Variants in IMPA1 observed in about 807,000 individuals in gnomAD.
IMPA1 encodes inositol monophosphatase 1, also known as D-galactose 1-phosphate phosphatase.
A neutral mutation model predicts 34.9 loss-of-function variants in IMPA1; 21 were observed. The ratio of observed to expected loss-of-function variants is 0.60; its 90% CI spans 0.43 to 0.87. The LOEUF (loss-of-function observed/expected upper bound fraction) is 0.87. IMPA1 is among the 40% of genes least tolerant of loss of function. The probability of loss-of-function intolerance (pLI) is 0.00; values close to 1 mark genes in which losing one functional copy is unlikely to be tolerated. For missense variants in IMPA1, 299 were observed against 336.4 expected, an observed-to-expected ratio of 0.89 and a Z score of 0.87; for synonymous variants, 95 against 104.4, an observed-to-expected ratio of 0.91 and a Z score of 0.55.
intron 7 of IMPA1, among the ~76,000 whole-genome samples, chr8:81,667,080 A>G (rs1452301979): frequency 6.6e-6 from 1 of 152,100 alleles, no homozygotes; most frequent in Non-Finnish European, 1.5e-5. Flanking sequence ...CACTAATAAT[A>G]AAAGACTGAT....
chr8:81,673,017 C>T (rs1303790024), intron 6 of IMPA1, among the ~76,000 whole-genome samples: 1 of 152,212 alleles, frequency 6.6e-6, no homozygotes, highest in African/African-American at 2.4e-5. Context: ...GTCAGGCAAA[C>T]CTGCCTCCCA....
rs529191104 is a variant in IMPA1, at chr8:81,684,902, TA to T, written c.-25+1349del. Among the ~76,000 whole-genome samples the T allele has an allele frequency of 5.6e-3, 739 of 133,058 alleles. 29 individuals carry two copies. The highest frequency in any genetic ancestry group is 0.02 in the African/African-American group (696 of 35,284). The allele number at this position is 133,058 out of a possible 152,430, so 87.3% of individuals were successfully genotyped here. ...CTATGTATAGTATATATACTATACATAAGTATATTTAGATACTATGTATAGT... is the reference window on the plus strand; with the variant it reads ...CTATGTATAGTATATATACTATACATAGTATATTTAGATACTATGTATAGT... On this transcript the variant is annotated intron_variant, in intron 1 of 8. Coordinates refer to ENST00000256108, the MANE Select transcript of IMPA1 (RefSeq NM_005536.4).
At chr8:81,663,822 G>A (rs140861152) in intron 7 of IMPA1, among the ~76,000 whole-genome samples, 4,493 of 152,208 alleles carry the variant, frequency 0.03, 95 homozygotes, top group East Asian at 0.086. Context: ...GGTGAATCAC[G>A]AGGTCAAGAG....
chr8:81,669,614 C>T (rs1336660513), intron 7 of IMPA1, among the ~76,000 whole-genome samples: 2 of 152,176 alleles, frequency 1.3e-5, no homozygotes, highest in Non-Finnish European at 2.9e-5. Context: ...AAGCAGATAG[C>T]TTGTTTTGAT....
At chr8:81,660,494 G>T in intron 8 of IMPA1, 22 bp downstream of exon 8, 1 of 1,603,734 alleles carries the variant, frequency 6.2e-7, no homozygotes, top group Non-Finnish European at 8.5e-7. Context: ...GTGGAGATCT[G>T]CTTCACTCTC....
Position 81,676,230 on chromosome 8 carries a change from A to C in IMPA1, c.348+4T>G. On this transcript the variant is annotated splice_donor_region_variant and intron_variant, in intron 5 of 8. Coordinates refer to ENST00000256108, the MANE Select transcript of IMPA1 (RefSeq NM_005536.4). Reference sequence around the variant, plus strand: ...TAATCAACTATACGTTTAAAAAATCATACCTTTTTATTTACAGCAAAGCCA... The same window carrying C: ...TAATCAACTATACGTTTAAAAAATCCTACCTTTTTATTTACAGCAAAGCCA... The C allele has an allele frequency of 7.6e-7, 1 of 1,321,192 alleles. No homozygotes were observed. The highest frequency in any genetic ancestry group is 2.5e-5 in the Admixed American group (1 of 40,592). 81.8% of individuals were successfully genotyped at this position (1,321,192 alleles called of 1,614,324 possible).
At chr8:81,666,042 G>A (rs1481742828) in intron 7 of IMPA1, among the ~76,000 whole-genome samples, 1 of 152,128 alleles carries the variant, frequency 6.6e-6, no homozygotes, top group East Asian at 1.9e-4. Context: ...TGAAGAACTA[G>A]GATCAAAAAG....
At chr8:81,677,283 C>A (rs541775045) in intron 4 of IMPA1, among the ~76,000 whole-genome samples, 1 of 152,184 alleles carries the variant, frequency 6.6e-6, no homozygotes, top group South Asian at 2.1e-4. Flanking sequence ...TACGTAGAGA[C>A]GGGGTTTCTC....
Position 81,658,786 on chromosome 8 carries a change from C to T in IMPA1, c.*565G>A, listed in dbSNP as rs997065533. 1 of 152,536 alleles carries T rather than the reference C, an allele frequency of 6.6e-6. No homozygotes were observed. The highest frequency in any genetic ancestry group is 2.4e-5 in the African/African-American group (1 of 41,400). 9.4% of individuals were successfully genotyped at this position (152,536 alleles called of 1,614,324 possible). Reference sequence around the variant, plus strand: ...ATGTATCTATTGTAACTAGGAATTACTACATTAAAAATATTCATTCTTACA... The same window carrying T: ...ATGTATCTATTGTAACTAGGAATTATTACATTAAAAATATTCATTCTTACA... On this transcript the variant is annotated 3_prime_UTR_variant, in exon 9 of 9. Transcript: ENST00000256108.
At chr8:81,661,764 G>C (rs1056115143) in intron 7 of IMPA1, among the ~76,000 whole-genome samples, 1 of 152,154 alleles carries the variant, frequency 6.6e-6, no homozygotes, top group African/African-American at 2.4e-5. Flanking sequence ...TTGTACTGTG[G>C]CTATGTTAGA....
intron 6 of IMPA1, 109 bp from the exon 7 acceptor site, chr8:81,671,156 TTA>T (rs569371419): frequency 9.8e-6 from 5 of 511,522 alleles, no homozygotes; most frequent in Non-Finnish European, 1.7e-5. Flanking sequence ...TCGTGTTTCT[TTA>T]TAAGCATTTA....
chr8:81,678,207 T>G (rs1233926030), intron 4 of IMPA1, among the ~76,000 whole-genome samples: 7 of 147,428 alleles, frequency 4.7e-5, no homozygotes, highest in African/African-American at 1.5e-4. Context: ...CCCAGCCCCA[T>G]CCCCATCCCC....
intron 7 of IMPA1, among the ~76,000 whole-genome samples, chr8:81,668,983 A>G (rs923070913): frequency 6.6e-6 from 1 of 152,162 alleles, no homozygotes. Flanking sequence ...TCTACAAGGT[A>G]TAAGTTGTAA....
chr8:81,677,064 A>T (rs1563587776), intron 4 of IMPA1, among the ~76,000 whole-genome samples: 2 of 151,992 alleles, frequency 1.3e-5, no homozygotes, highest in Non-Finnish European at 1.5e-5. Context: ...AAAACTTTTA[A>T]ATCGATTTGG....
intron 5 of IMPA1, 164 bp from the exon 6 acceptor site, chr8:81,674,113 G>T: frequency 1.8e-6 from 1 of 561,648 alleles, no homozygotes; most frequent in South Asian, 2.4e-5. Context: ...TCAAGAGAAA[G>T]AGGTCACCAG....
intron 7 of IMPA1, among the ~76,000 whole-genome samples, chr8:81,669,035 GAA>G (rs1806914308): frequency 6.6e-6 from 1 of 152,178 alleles, no homozygotes; most frequent in Non-Finnish European, 1.5e-5. Context: ...TTGCATAAAG[GAA>G]GAGCTGTAGA....
Position 81,686,287 on chromosome 8 carries a change from G to C in IMPA1, c.-60C>G. The C allele has an allele frequency of 3.0e-6, 3 of 992,730 alleles. No homozygotes were observed. The highest frequency in any genetic ancestry group is 4.5e-5 in the South Asian group (1 of 22,442). 61.5% of individuals were successfully genotyped at this position (992,730 alleles called of 1,614,324 possible). A position where few individuals can be genotyped will look rare whatever the true frequency, so the allele number is the denominator to read the frequency against. On this transcript the variant is annotated 5_prime_UTR_variant, in exon 1 of 9. Coordinates refer to ENST00000256108, the MANE Select transcript of IMPA1 (RefSeq NM_005536.4). ...AGGACGTCCGGCTAGCTCTGTGAAC[G>C]GTGTTACCGCACTCGTCTCTTCCGG...
intron 7 of IMPA1, among the ~76,000 whole-genome samples, chr8:81,663,123 A>C (rs527274155): frequency 6.6e-6 from 1 of 152,362 alleles, no homozygotes; most frequent in East Asian, 1.9e-4. Context: ...TTTTGAAAAA[A>C]ATCTGAAGTA....
intron 4 of IMPA1, among the ~76,000 whole-genome samples, chr8:81,676,717 C>T (rs1480154719): frequency 6.6e-6 from 1 of 152,140 alleles, no homozygotes; most frequent in Admixed American, 6.5e-5. Flanking sequence ...CCACGCACAG[C>T]GGCTCACTCC....
Sources: allele counts gnomAD v4.1 joint callset (sites outside exome capture counted in the v4.1 genomes callset), GRCh38; gene constraint gnomAD v4.1.1; transcripts MANE v1.5; gene names NCBI Gene and HGNC (gene_info 2026-07-23, HGNC 2026-07-21).